TTC7B: variants seen among roughly 807,000 people sequenced by gnomAD.
The protein encoded by TTC7B is tetratricopeptide repeat protein 7B.
Under a neutral mutation model 106.8 loss-of-function variants are expected in TTC7B, and 28 were observed. The ratio of observed to expected loss-of-function variants is 0.26; its 90% CI spans 0.19 to 0.36. The LOEUF (loss-of-function observed/expected upper bound fraction) is 0.36, where lower values mean the gene tolerates loss of function less well. Ranked by LOEUF, TTC7B falls within the 10% of genes least tolerant of loss-of-function variation. TTC7B has a pLI of 1.00. For synonymous variants in TTC7B, 405 were observed against 430.6 expected (o/e 0.94, Z 0.74); for missense variants, 862 against 1,076.4 (o/e 0.80, Z 2.79).
chr14:90,626,777 C>T (rs1884462206), intron 15 of TTC7B, among the ~76,000 whole-genome samples: 2 of 152,062 alleles, frequency 1.3e-5, no homozygotes, highest in South Asian at 4.1e-4. Context: ...GTTACAAAAC[C>T]CCAACCACAT....
intron 8 of TTC7B, among the ~76,000 whole-genome samples, chr14:90,676,934 G>A (rs988147294): frequency 2.6e-5 from 4 of 152,198 alleles, no homozygotes; most frequent in Admixed American, 2.6e-4. Context: ...AGCCTTGGCA[G>A]CCGATACAAA....
intron 17 of TTC7B, among the ~76,000 whole-genome samples, chr14:90,594,436 G>A (rs913083750): frequency 2.0e-5 from 3 of 152,076 alleles, no homozygotes; most frequent in African/African-American, 4.8e-5. Context: ...TCGGAGGATC[G>A]GAGACCACCT....
chr14:90,596,745 C>G (rs1214017681), intron 17 of TTC7B, among the ~76,000 whole-genome samples: 1 of 152,208 alleles, frequency 6.6e-6, no homozygotes, highest in Non-Finnish European at 1.5e-5. Context: ...CCGTGTGGGT[C>G]TAGAAGATGC....
chr14:90,694,919 A>G, intron 6 of TTC7B, among the ~76,000 whole-genome samples: 1 of 41,382 alleles, frequency 2.4e-5, no homozygotes, highest in Non-Finnish European at 4.8e-5. Flanking sequence ...TATATTTATT[A>G]TAAATATATG....
chr14:90,680,987 G>A (rs949265947), intron 7 of TTC7B, among the ~76,000 whole-genome samples: 1 of 152,166 alleles, frequency 6.6e-6, no homozygotes, highest in African/African-American at 2.4e-5. Flanking sequence ...CAATTTTAGA[G>A]TTTGAATAAT....
At chr14:90,693,108 A>G (rs1159239397) in intron 6 of TTC7B, among the ~76,000 whole-genome samples, 1 of 152,210 alleles carries the variant, frequency 6.6e-6, no homozygotes, top group African/African-American at 2.4e-5. Flanking sequence ...TACAGCATTT[A>G]AAGGATTCAT....
chr14:90,779,369 T>A (rs2140034365), intron 3 of TTC7B, among the ~76,000 whole-genome samples: 1 of 152,332 alleles, frequency 6.6e-6, no homozygotes, highest in East Asian at 1.9e-4. Flanking sequence ...AATGGCGCGA[T>A]CTCAGCTCAC....
chr14:90,792,269 G>T (rs1001038792), intron 1 of TTC7B, among the ~76,000 whole-genome samples: 1 of 152,080 alleles, frequency 6.6e-6, no homozygotes, highest in African/African-American at 2.4e-5. Context: ...TGTGGAGAGC[G>T]CTCAGTTCCA....
At chr14:90,552,106 C>G (rs1211719667) in intron 19 of TTC7B, among the ~76,000 whole-genome samples, 1 of 152,214 alleles carries the variant, frequency 6.6e-6, no homozygotes, top group East Asian at 1.9e-4. Context: ...AGGCCAGAAG[C>G]TCCACAGGGG....
chr14:90,574,980 TTC>T (rs769805557), intron 19 of TTC7B, among the ~76,000 whole-genome samples: 13 of 151,600 alleles, frequency 8.6e-5, no homozygotes, highest in Non-Finnish European at 1.6e-4. Context: ...AGTCTTGACC[TTC>T]TGACCCTGGC....
rs2030711430 is a variant in TTC7B, at chr14:90,808,202, T to C, written c.121+7973A>G. 1.3e-5 allele frequency among the ~76,000 whole-genome samples: 2 copies of C among 152,072 alleles called. No individual in the cohort carries two copies. Among genetic ancestry groups the C allele is most frequent in the Non-Finnish European group, 2.9e-5 (2 of 68,010 alleles). On this transcript the variant is annotated intron_variant, in intron 1 of 19. Coordinates refer to ENST00000328459, the MANE Select transcript of TTC7B (RefSeq NM_001010854.2). This position sits in a 1 kb window ranked among gnomAD's most constrained non-coding sequence, Gnocchi z 4.2. ...GGCTCACGCCTGTAATCCCAGCACT[T>C]TGGGAGGCCGAGGGAAGAAGATCAC...
At chr14:90,614,461 C>T (rs1420348243) in intron 16 of TTC7B, among the ~76,000 whole-genome samples, 1 of 152,134 alleles carries the variant, frequency 6.6e-6, no homozygotes, top group African/African-American at 2.4e-5. Flanking sequence ...CTTTGAATCA[C>T]CTGGAGATGT....
chr14:90,563,099 C>T (rs920605489), intron 19 of TTC7B, among the ~76,000 whole-genome samples: 1 of 152,196 alleles, frequency 6.6e-6, no homozygotes, highest in Non-Finnish European at 1.5e-5. Flanking sequence ...TGTTAACATC[C>T]TCAGGTCCTA....
chr14:90,738,910 A>G (rs1393960220), intron 4 of TTC7B, among the ~76,000 whole-genome samples: 1 of 152,186 alleles, frequency 6.6e-6, no homozygotes, highest in Non-Finnish European at 1.5e-5. Flanking sequence ...CTGTGGTCCC[A>G]GCTACTTGGG....
In TTC7B at chr14:90,751,575, TA is replaced by T. The variant is rs200275912; in HGVS notation, c.446-6654del. Among the ~76,000 whole-genome samples, 33 of 151,356 alleles carry T rather than the reference TA, an allele frequency of 2.2e-4. No individual in the cohort carries two copies. In the East Asian group the frequency reaches 2.7e-3, roughly 12 times the overall value. ...CACACCTTGCTAATTTCTTTTTATT[TA>T]TTTTTTTATTTTTTATTTTTTATTT... On this transcript the variant is annotated intron_variant, in intron 3 of 19. Transcript: ENST00000328459.
chr14:90,705,896 A>G (rs1566846730), intron 5 of TTC7B, among the ~76,000 whole-genome samples: 1 of 152,090 alleles, frequency 6.6e-6, no homozygotes, highest in African/African-American at 2.4e-5. Flanking sequence ...CAGCCTATAG[A>G]GTTTCCCACT....
At chr14:90,602,424 G>A (rs1276150947) in intron 17 of TTC7B, among the ~76,000 whole-genome samples, 1 of 152,246 alleles carries the variant, frequency 6.6e-6, no homozygotes, top group Non-Finnish European at 1.5e-5. Flanking sequence ...CTGTTAGGCT[G>A]GGCGTGATGG....
intron 9 of TTC7B, among the ~76,000 whole-genome samples, chr14:90,662,763 A>G (rs1886259871): frequency 1.3e-5 from 2 of 152,258 alleles, no homozygotes; most frequent in Admixed American, 1.3e-4. Context: ...GAAACAGGCT[A>G]GTGAGTACTA....
chr14:90,586,311 C>T (rs563124856), intron 18 of TTC7B, among the ~76,000 whole-genome samples: 13 of 152,330 alleles, frequency 8.5e-5, no homozygotes, highest in African/African-American at 2.6e-4. Context: ...GCTCTTGTTG[C>T]TCAGGCTGGA....
Sources: gnomAD v4.1 joint callset for allele counts (sites outside exome capture counted in the v4.1 genomes callset) on GRCh38, gnomAD v4.1.1 for gene constraint, Gnocchi (gnomAD v3.1) non-coding constraint, MANE v1.5 for transcripts, NCBI Gene and HGNC (gene_info 2026-07-23, HGNC 2026-07-21) for gene names.